ATG9B: variants seen among roughly 807,000 people sequenced by gnomAD.
The protein encoded by ATG9B is autophagy-related protein 9B.
Under a neutral mutation model 92.9 loss-of-function variants are expected in ATG9B, and 92 were observed. The ratio of observed to expected loss-of-function variants is 0.99; its 90% CI spans 0.84 to 1.18. The LOEUF is 1.18. ATG9B is among the 50% of genes most tolerant of loss of function. ATG9B has a pLI of 0.00. For synonymous variants in ATG9B, 599 were observed against 551.4 expected (o/e 1.09, Z -1.21); for missense variants, 1,344 against 1,235.0 (o/e 1.09, Z -1.32).
At chr7:151,013,196 G>A, downstream of ATG9B, 2 of 1,595,806 alleles carry the variant, frequency 1.3e-6, no homozygotes, top group Non-Finnish European at 1.7e-6. Context: ...CTGTGCCCCG[G>A]AGAAGAGCCT....
rs1795625626 is a variant in ATG9B at position 151,018,792 on chromosome 7, T to C, written c.1546A>G (p.Thr516Ala). ...CGCAGGGGCGCGGGGGGCGCAGCGG[T>C]GCGCAGGAAGGCGGCGGCGGGGCGG... The part of the protein sequence containing the change: ...AYRPAAAFLR[T>A]AAPPAPLRTL... The change falls in exon 6 of 14, where the codon ACC (threonine) becomes GCC (alanine). Residue 516 changes from threonine to alanine, a missense_variant. Transcript: ENST00000639579. The surrounding 1 kb of genome is among the most constrained non-coding windows in gnomAD (Gnocchi z 4.7). 2 of 1,337,962 alleles carry C rather than the reference T, an allele frequency of 1.5e-6. No homozygotes were observed. Among genetic ancestry groups the C allele is most frequent in the Middle Eastern group, 2.1e-4 (1 of 4,804 alleles). 82.9% of individuals were successfully genotyped at this position (1,337,962 alleles called of 1,614,324 possible).
downstream of ATG9B, chr7:151,012,904 T>C (rs1309381711): frequency 7.6e-6 from 3 of 394,942 alleles, no homozygotes; most frequent in Non-Finnish European, 1.4e-5. Context: ...GTTATAAGTA[T>C]GGGAGAATAT....
intron 3 of ATG9B, 34 bp downstream of exon 3, chr7:151,023,411 G>C: frequency 6.2e-7 from 1 of 1,611,106 alleles, no homozygotes; most frequent in Non-Finnish European, 8.5e-7. Flanking sequence ...TGGGCCCAGG[G>C]GACCGAGTTC....
chr7:151,016,162 C>A lies in ATG9B; in HGVS notation c.2594G>T (p.Ser865Ile). ...ATCAGGCGAGGGTGGCTGTGAGGGG[C>A]TGGAGCAGGGCCTGGACAGGATGGA... is the stretch of plus-strand genomic sequence containing the variant. Reference protein sequence around the residue: ...AASILSRPCSSPSQPPSPDEE... With the variant: ...AASILSRPCSIPSQPPSPDEE... The change falls in exon 12 of 14, where the codon AGC becomes ATC. Residue 865 changes from serine (S) to isoleucine (I), a missense_variant. Ser to Ile is a moderately radical substitution (Grantham distance 142, BLOSUM62 -2). Transcript: ENST00000639579. 6.5e-7 allele frequency: 1 copy of A among 1,539,860 alleles called. No homozygotes were observed. The highest frequency in any genetic ancestry group is 8.8e-7 in the Non-Finnish European group (1 of 1,140,228).
chr7:151,016,846 C>A, intron 9 of ATG9B, 25 bp from the exon 10 acceptor site: 1 of 1,587,476 alleles, frequency 6.3e-7, no homozygotes, highest in Non-Finnish European at 8.6e-7. Context: ...AGAGGGAAAG[C>A]CAAAGAGGGA....
At chr7:151,012,211 GTT>G, downstream of ATG9B, 1 of 689,922 alleles carries the variant, frequency 1.4e-6, no homozygotes, top group East Asian at 2.8e-5. Flanking sequence ...AAGTAGAGTT[GTT>G]TTTTGTTTTT....
At chr7:151,014,229 G>A, downstream of ATG9B, 3 of 1,506,222 alleles carry the variant, frequency 2.0e-6, no homozygotes, top group Non-Finnish European at 2.7e-6. Context: ...AGGTCCGCCC[G>A]ACCAGGATCA....
chr7:151,013,322 G>A, downstream of ATG9B: 1 of 1,614,072 alleles, frequency 6.2e-7, no homozygotes, highest in East Asian at 2.2e-5. Context: ...ACGCCCAGCA[G>A]CGCGGGGTGT....
intron 4 of ATG9B, 68 bp from the exon 5 acceptor site, chr7:151,021,397 G>T: frequency 6.7e-7 from 1 of 1,492,046 alleles, no homozygotes; most frequent in Non-Finnish European, 8.9e-7. Context: ...ACCAGACTTC[G>T]GGAGTGAGGA....
In ATG9B at chr7:151,018,736, G is replaced by T. The variant is rs1307702070; in HGVS notation, c.1602C>A (p.Phe534Leu). Residue 534 changes from phenylalanine to leucine, a missense_variant, in exon 6 of 14, where the codon TTC becomes TTA. By Grantham distance (22) the Phe-to-Leu change is conservative. Transcript: ENST00000639579. This position sits in a 1 kb window ranked among gnomAD's most constrained non-coding sequence, Gnocchi z 4.7. Reference sequence around the variant, plus strand: ...GCAGCGCGGCGAAGAGTGCACCCGCGAAGAAAACGAGCTGGCGGGCCAGCA... The same window carrying T: ...GCAGCGCGGCGAAGAGTGCACCCGCTAAGAAAACGAGCTGGCGGGCCAGCA... ...RTLLARQLVF[F>L]AGALFAALLV... 7.6e-6 allele frequency: 12 copies of T among 1,576,390 alleles called. No homozygotes were observed. Among genetic ancestry groups the T allele is most frequent in the Non-Finnish European group, 9.4e-6 (11 of 1,166,308 alleles).
At chr7:151,013,530 C>A, downstream of ATG9B, 1 of 1,180,082 alleles carries the variant, frequency 8.5e-7, no homozygotes, top group Non-Finnish European at 1.2e-6. Flanking sequence ...CCTTGTGCCC[C>A]GGCCCCTCTA....
chr7:151,012,481 G>A (rs1367947059), downstream of ATG9B: 3 of 1,611,262 alleles, frequency 1.9e-6, no homozygotes, highest in Non-Finnish European at 2.5e-6. Flanking sequence ...AGGTGAGGCT[G>A]GGGACTAAAG....
rs1308931509 is a variant in ATG9B, at chr7:151,019,312, G to A, written c.1026C>T (p.Ser342=). 18 of 1,580,360 alleles carry A rather than the reference G, an allele frequency of 1.1e-5. No individual in the cohort carries two copies. The highest frequency in any genetic ancestry group is 1.4e-5 in the Non-Finnish European group (16 of 1,170,892). ...GCCGCGGCTGCACGCACAGGCCCCCGCTCCGCTGCAGTGCCAAGAGGCGGG... is the reference window on the plus strand; with the variant it reads ...GCCGCGGCTGCACGCACAGGCCCCCACTCCGCTGCAGTGCCAAGAGGCGGG... ...VQSRLLALQR[S]GGLCVQPRPL... The change falls in exon 6 of 14, where the codon AGC becomes AGT. Residue 342 remains serine (S), a synonymous_variant. Coordinates refer to ENST00000639579, the MANE Select transcript of ATG9B (RefSeq NM_001317056.2).
In ATG9B at chr7:151,018,404, G is replaced by C; in HGVS notation, c.1762C>G (p.Leu588Val). 1 of 1,563,426 alleles carries C rather than the reference G, an allele frequency of 6.4e-7. No individual in the cohort carries two copies. The highest frequency in any genetic ancestry group is 8.7e-7 in the Non-Finnish European group (1 of 1,155,352). The change falls in exon 7 of 14, where the codon CTC becomes GTC. Residue 588 changes from leucine to valine, a missense_variant. Transcript: ENST00000639579. This position sits in a 1 kb window ranked among gnomAD's most constrained non-coding sequence, Gnocchi z 4.7. The stretch of plus-strand genomic sequence containing the variant: ...TGGGCCAGGGCTGTCTGCAGCAGGA[G>C]CTGCGGCGCACGACCCTGGCACTGC... ...EEQCQGRAPQLLLQTALAHMH... is the reference protein window; with the variant it reads ...EEQCQGRAPQVLLQTALAHMH...
rs773999613 is a variant in ATG9B, at chr7:151,024,303, G to A, written c.121C>T (p.Arg41Trp). 17 of 1,428,742 alleles carry A rather than the reference G, an allele frequency of 1.2e-5. No homozygotes were observed. The highest frequency in any genetic ancestry group is 1.9e-4 in the Middle Eastern group (1 of 5,374). The allele number at this position is 1,428,742 out of a possible 1,614,324, so 88.5% of individuals were successfully genotyped here. A position where few individuals can be genotyped will look rare whatever the true frequency, so the allele number is the denominator to read the frequency against. The change falls in exon 1 of 14, where the codon CGG becomes TGG. Residue 41 changes from arginine (R) to tryptophan (W), a missense_variant. Coordinates refer to ENST00000639579, the MANE Select transcript of ATG9B (RefSeq NM_001317056.2). Reference sequence around the variant, plus strand: ...GAGATCCTCCCTCCCCCAGGTCCCCGGCATGAAGGAGGAGGAGGAGGTGGC... The same window carrying A: ...GAGATCCTCCCTCCCCCAGGTCCCCAGCATGAAGGAGGAGGAGGAGGTGGC... ...PLPPPPPPSC[R>W]GPGGGRISIF...
chr7:151,013,454 A>G, downstream of ATG9B: 2 of 1,517,142 alleles, frequency 1.3e-6, no homozygotes, highest in Non-Finnish European at 1.8e-6. Flanking sequence ...CCAGCGGGGC[A>G]CACCAACCAC....
At position 151,021,305 on chromosome 7, in the gene ATG9B, G is replaced by C. The variant is rs1239014049; in HGVS notation, c.846C>G (p.Val282=). ...AGCCGGCAGCCAGGACCAGGAGGAG[G>C]ACCAGCAGCGGGCTGGAGCGGATCC... ...AERIRSSPLL[V]LLLVLAAGFW... The change falls in exon 5 of 14, where the codon GTC becomes GTG. Residue 282 remains valine (V), a synonymous_variant. Transcript: ENST00000639579. 2 of 1,612,334 alleles carry C rather than the reference G, an allele frequency of 1.2e-6. No individual in the cohort carries two copies. Among genetic ancestry groups the C allele is most frequent in the Non-Finnish European group, 1.7e-6 (2 of 1,179,218 alleles).
downstream of ATG9B, chr7:151,013,407 A>G: frequency 6.3e-7 from 1 of 1,596,916 alleles, no homozygotes; most frequent in Non-Finnish European, 8.6e-7. Context: ...CGCAATGGTA[A>G]CCTGAAGATA....
At chr7:151,020,541 C>T (rs1795709183) in intron 5 of ATG9B, among the ~76,000 whole-genome samples, 1 of 152,204 alleles carries the variant, frequency 6.6e-6, no homozygotes, top group African/African-American at 2.4e-5. Flanking sequence ...GCAGAGGGCT[C>T]CGGACCTCCC....
Sources: allele counts gnomAD v4.1 joint callset (sites outside exome capture counted in the v4.1 genomes callset), GRCh38; gene constraint gnomAD v4.1.1; non-coding constraint Gnocchi (gnomAD v3.1); transcripts MANE v1.5; gene names NCBI Gene and HGNC (gene_info 2026-07-23, HGNC 2026-07-21).